Variants in TFDP2 observed in about 807,000 individuals in gnomAD.
TFDP2 encodes transcription factor Dp-2 (E2F dimerization partner 2).
A neutral mutation model predicts 59.3 loss-of-function variants in TFDP2; 17 were observed. That is an observed-to-expected ratio of 0.29 (90% CI 0.20 to 0.43). TFDP2 has a LOEUF of 0.43. Among genes scored for constraint, TFDP2 ranks in the 20% least tolerant of loss-of-function variants. The pLI is 1.00. For missense variants in TFDP2, 391 were observed against 528.8 expected (o/e 0.74, Z 2.56); for synonymous variants, 180 against 194.7 (o/e 0.92, Z 0.63).
chr3:142,106,040 C>T (rs565614590), intron 1 of TFDP2, among the ~76,000 whole-genome samples: 5 of 151,976 alleles, frequency 3.3e-5, no homozygotes, highest in Non-Finnish European at 7.4e-5. Context: ...ATACATAATT[C>T]CCACATGGTA....
chr3:142,100,414 C>T (rs1576983225), intron 2 of TFDP2, among the ~76,000 whole-genome samples: 1 of 152,208 alleles, frequency 6.6e-6, no homozygotes, highest in East Asian at 1.9e-4. Flanking sequence ...CTCTTGTCCC[C>T]CAGGCTGGAG....
intron 3 of TFDP2, among the ~76,000 whole-genome samples, chr3:142,013,079 A>G (rs895733712): frequency 2.6e-5 from 4 of 152,088 alleles, no homozygotes; most frequent in Non-Finnish European, 5.9e-5. Flanking sequence ...GGAGGTTGCC[A>G]TGAGCTAAGA....
chr3:142,099,699 CAA>C (rs766026708), intron 2 of TFDP2, among the ~76,000 whole-genome samples: 32 of 124,560 alleles, frequency 2.6e-4, no homozygotes, highest in Admixed American at 2.4e-4. Flanking sequence ...GACTCCATTT[CAA>C]AAAAAAAAAA....
chr3:142,068,072 G>GAACGGC (rs750728314), intron 3 of TFDP2, among the ~76,000 whole-genome samples: 3 of 144,994 alleles, frequency 2.1e-5, no homozygotes, highest in Non-Finnish European at 4.5e-5. Context: ...ACTGGCAAAA[G>GAACGGC]AACGGCAAAA....
chr3:142,111,195 G>T (rs2061645748), intron 1 of TFDP2, among the ~76,000 whole-genome samples: 1 of 152,070 alleles, frequency 6.6e-6, no homozygotes, highest in Non-Finnish European at 1.5e-5. Flanking sequence ...TTGGGAGGCC[G>T]AGGCAGGTGG....
chr3:141,953,886 T>C (rs928409099), intron 11 of TFDP2, among the ~76,000 whole-genome samples: 2 of 150,448 alleles, frequency 1.3e-5, no homozygotes, highest in African/African-American at 2.4e-5. Context: ...AGAAAATAGT[T>C]TGGGCTGAGC....
chr3:141,995,228 T>G, intron 4 of TFDP2, 87 bp from the exon 5 acceptor site: 1 of 1,170,828 alleles, frequency 8.5e-7, no homozygotes, highest in South Asian at 2.9e-5. Flanking sequence ...CTAACCTACA[T>G]ATGAGGAAAC....
At chr3:142,033,458 C>T (rs1426375602) in intron 3 of TFDP2, among the ~76,000 whole-genome samples, 1 of 152,090 alleles carries the variant, frequency 6.6e-6, no homozygotes, top group Non-Finnish European at 1.5e-5. Flanking sequence ...TATCTTCTAC[C>T]AAAACCCCTA....
intron 3 of TFDP2, among the ~76,000 whole-genome samples, chr3:142,042,693 T>C (rs1208670397): frequency 2.0e-5 from 3 of 148,060 alleles, no homozygotes; most frequent in African/African-American, 4.9e-5. Flanking sequence ...GAATTTTATA[T>C]ATAGCTTTTT....
chr3:142,015,492 C>A (rs1269835061), intron 3 of TFDP2, among the ~76,000 whole-genome samples: 1 of 152,142 alleles, frequency 6.6e-6, no homozygotes, highest in Non-Finnish European at 1.5e-5. Context: ...CTGTTGAGAC[C>A]TCACTTTCTC....
intron 4 of TFDP2, among the ~76,000 whole-genome samples, chr3:142,004,815 C>G (rs78293107): frequency 0.07 from 10,593 of 152,098 alleles, 474 homozygotes; most frequent in Non-Finnish European, 0.11. Context: ...AAGAAAAAAG[C>G]AGGAAGACAT....
chr3:141,970,005 C>T, intron 9 of TFDP2, 68 bp downstream of exon 9: 1 of 1,480,002 alleles, frequency 6.8e-7, no homozygotes, highest in South Asian at 1.1e-5. Context: ...AATTAGAAAA[C>T]ACACTGACTC....
intron 2 of TFDP2, among the ~76,000 whole-genome samples, chr3:142,098,144 T>C (rs1192397646): frequency 6.6e-6 from 1 of 152,046 alleles, no homozygotes; most frequent in Non-Finnish European, 1.5e-5. Context: ...AAATCAGATA[T>C]CTTCCTAAGC....
At chr3:141,982,441 A>G (rs897558500) in intron 6 of TFDP2, among the ~76,000 whole-genome samples, 3 of 151,990 alleles carry the variant, frequency 2.0e-5, no homozygotes, top group Admixed American at 6.6e-5. Flanking sequence ...AGTAGGGGGT[A>G]AAGTGTAGAA....
At chr3:141,996,867 T>C (rs1278010751) in intron 4 of TFDP2, among the ~76,000 whole-genome samples, 1 of 152,076 alleles carries the variant, frequency 6.6e-6, no homozygotes, top group Non-Finnish European at 1.5e-5. Context: ...TTCCATAGTT[T>C]AAAAAAATAA....
rs146929553 is a variant in TFDP2 at position 141,999,669 on chromosome 3, A to G, written c.187-4528T>C. Reference sequence around the variant, plus strand: ...AAGATTTGGCTTCCAAAAGACATGTAAAGTTCAAAGGGCAAGCACAAAAAG... The same window carrying G: ...AAGATTTGGCTTCCAAAAGACATGTGAAGTTCAAAGGGCAAGCACAAAAAG... On this transcript the variant is annotated intron_variant, in intron 4 of 12. Coordinates refer to ENST00000489671, the MANE Select transcript of TFDP2 (RefSeq NM_001178139.2). 2.6e-4 allele frequency among the ~76,000 whole-genome samples: 40 copies of G among 152,354 alleles called. No individual in the cohort carries two copies. In the South Asian group the frequency reaches 7.2e-3, roughly 28 times the overall value.
At chr3:142,027,224 G>GTTTT in intron 3 of TFDP2, among the ~76,000 whole-genome samples, 1 of 151,230 alleles carries the variant, frequency 6.6e-6, no homozygotes, top group East Asian at 1.9e-4. Flanking sequence ...AATATTTAAA[G>GTTTT]TTTTTTTTTA....
At chr3:142,034,459 CCA>C (rs1425070618) in intron 3 of TFDP2, among the ~76,000 whole-genome samples, 2 of 151,982 alleles carry the variant, frequency 1.3e-5, no homozygotes, top group Non-Finnish European at 2.9e-5. Flanking sequence ...TCTGACACAA[CCA>C]CAGTTAGGCA....
intron 3 of TFDP2, among the ~76,000 whole-genome samples, chr3:142,080,637 G>A (rs57156169): frequency 0.14 from 21,442 of 152,096 alleles, 1,670 homozygotes; most frequent in African/African-American, 0.21. Flanking sequence ...GCAGATATAT[G>A]AAGAGATGCA....
Sources: gnomAD v4.1 joint callset for allele counts (sites outside exome capture counted in the v4.1 genomes callset) on GRCh38, gnomAD v4.1.1 for gene constraint, MANE v1.5 for transcripts, NCBI Gene and HGNC (gene_info 2026-07-23, HGNC 2026-07-21) for gene names.